ANKS1B: variants seen among roughly 807,000 people sequenced by gnomAD.
The protein encoded by ANKS1B is ankyrin repeat and sterile alpha motif domain-containing protein 1B.
ANKS1B carries 36 observed loss-of-function variants against 148.3 expected under a neutral mutation model. The ratio of observed to expected loss-of-function variants is 0.24; its 90% CI spans 0.19 to 0.32. ANKS1B has a LOEUF of 0.32. Among genes scored for constraint, ANKS1B ranks in the 10% least tolerant of loss-of-function variants. The pLI is 1.00. For missense variants in ANKS1B, 1,157 were observed against 1,542.6 expected (o/e 0.75, Z 4.19); for synonymous variants, 542 against 560.8 (o/e 0.97, Z 0.47).
intron 17 of ANKS1B, among the ~76,000 whole-genome samples, chr12:98,988,720 A>C (rs1053028026): frequency 5.3e-5 from 8 of 152,114 alleles, no homozygotes; most frequent in African/African-American, 1.7e-4. Context: ...TCTCTCCAAC[A>C]GTGTACAGGG....
At chr12:99,125,431 G>A (rs2064048537) in intron 15 of ANKS1B, among the ~76,000 whole-genome samples, 1 of 152,052 alleles carries the variant, frequency 6.6e-6, no homozygotes, top group Admixed American at 6.6e-5. Context: ...ATGTACCCAG[G>A]GCTCTTTTCT....
At chr12:99,981,409 C>T (rs1012912662) in intron 1 of ANKS1B, among the ~76,000 whole-genome samples, 9 of 152,008 alleles carry the variant, frequency 5.9e-5, no homozygotes, top group African/African-American at 1.9e-4. Flanking sequence ...AACAAGTAAT[C>T]AGAAGCATCT....
chr12:99,739,253 G>T (rs1458759197), intron 8 of ANKS1B, among the ~76,000 whole-genome samples: 2 of 143,588 alleles, frequency 1.4e-5, no homozygotes, highest in South Asian at 4.4e-4. Flanking sequence ...GTATCTTGGG[G>T]CTTCAAAAGA....
At chr12:99,700,372 A>G (rs2054609845) in intron 8 of ANKS1B, among the ~76,000 whole-genome samples, 2 of 152,138 alleles carry the variant, frequency 1.3e-5, no homozygotes, top group African/African-American at 4.8e-5. Flanking sequence ...ATAGTACCCA[A>G]TCCAACTGCC....
At chr12:99,230,724 T>C (rs1388851827) in intron 14 of ANKS1B, among the ~76,000 whole-genome samples, 4 of 152,174 alleles carry the variant, frequency 2.6e-5, no homozygotes, top group Non-Finnish European at 4.4e-5. Context: ...AATCGTTTGA[T>C]TAAACAAGAT....
chr12:98,992,629 C>T (rs1042381345), intron 17 of ANKS1B, among the ~76,000 whole-genome samples: 15 of 152,160 alleles, frequency 9.9e-5, no homozygotes, highest in African/African-American at 2.9e-4. Context: ...GTCAATTAAA[C>T]GTCTTTCCTT....
intron 1 of ANKS1B, among the ~76,000 whole-genome samples, chr12:99,895,799 G>A (rs762263338): frequency 3.3e-5 from 5 of 151,070 alleles, no homozygotes; most frequent in East Asian, 1.9e-4. Flanking sequence ...GGAGTCCTTC[G>A]GTTCTGGAAA....
intron 1 of ANKS1B, among the ~76,000 whole-genome samples, chr12:99,948,709 T>C (rs1211391088): frequency 6.6e-6 from 1 of 152,120 alleles, no homozygotes; most frequent in Admixed American, 6.5e-5. Context: ...TCCTTTGCAA[T>C]GTAGGAGAAA....
intron 11 of ANKS1B, among the ~76,000 whole-genome samples, chr12:99,404,699 T>C (rs969138516): frequency 2.1e-5 from 3 of 145,294 alleles, no homozygotes; most frequent in African/African-American, 7.8e-5. Context: ...ATTGGCCTTA[T>C]AGAGGAGGGA....
chr12:98,950,909 T>G, intron 17 of ANKS1B, among the ~76,000 whole-genome samples: 1 of 152,180 alleles, frequency 6.6e-6, no homozygotes, highest in East Asian at 1.9e-4. Flanking sequence ...TGAGCCACTG[T>G]GTCAGGCTCT....
At chr12:99,089,386 AGAAT>A (rs1211835414) in intron 15 of ANKS1B, among the ~76,000 whole-genome samples, 3 of 152,194 alleles carry the variant, frequency 2.0e-5, no homozygotes, top group Non-Finnish European at 4.4e-5. Context: ...TCAAATGTTA[AGAAT>A]GACCCCTCAA....
chr12:99,044,130 CTACTAGAATA>C (rs2099960789), intron 17 of ANKS1B, among the ~76,000 whole-genome samples: 2 of 152,116 alleles, frequency 1.3e-5, no homozygotes, highest in Admixed American at 1.3e-4. Context: ...ATATAATAAT[CTACTAGAATA>C]TTTCCCCTCT....
At chr12:99,013,204 T>C (rs1479369404) in intron 17 of ANKS1B, among the ~76,000 whole-genome samples, 1 of 152,174 alleles carries the variant, frequency 6.6e-6, no homozygotes, top group African/African-American at 2.4e-5. Flanking sequence ...TTAGAGGATT[T>C]TGGCAACAAA....
chr12:98,916,161 T>C (rs888426202), intron 17 of ANKS1B, among the ~76,000 whole-genome samples: 1 of 152,230 alleles, frequency 6.6e-6, no homozygotes, highest in Non-Finnish European at 1.5e-5. Flanking sequence ...ATAAAAGTTA[T>C]AGTCATAATA....
intron 17 of ANKS1B, among the ~76,000 whole-genome samples, chr12:98,960,795 T>C (rs1202433357): frequency 6.6e-6 from 1 of 152,138 alleles, no homozygotes. Context: ...ATCAGATACA[T>C]TTAACAAAGA....
At chr12:98,981,215 G>A (rs1026561640) in intron 17 of ANKS1B, among the ~76,000 whole-genome samples, 3 of 151,976 alleles carry the variant, frequency 2.0e-5, no homozygotes, top group Admixed American at 6.6e-5. Flanking sequence ...CCATCTCACC[G>A]CAGCCTCGAA....
At chr12:99,128,059 A>G (rs944888159) in intron 15 of ANKS1B, among the ~76,000 whole-genome samples, 2 of 152,130 alleles carry the variant, frequency 1.3e-5, no homozygotes, top group African/African-American at 4.8e-5. Context: ...CTTTGAATCA[A>G]TTTCTTCTTT....
chr12:99,928,626 T>C (rs1401875327), intron 1 of ANKS1B, among the ~76,000 whole-genome samples: 1 of 152,232 alleles, frequency 6.6e-6, no homozygotes, highest in Non-Finnish European at 1.5e-5. Context: ...GTTTTAATAG[T>C]TGTTTTCTCT....
chr12:99,452,845 C>A (rs1387015246), intron 10 of ANKS1B, among the ~76,000 whole-genome samples: 1 of 152,160 alleles, frequency 6.6e-6, no homozygotes, highest in Non-Finnish European at 1.5e-5. Context: ...GTTAAATATT[C>A]AAGTCTTAAT....
Sources: gnomAD v4.1 joint callset for allele counts (sites outside exome capture counted in the v4.1 genomes callset) on GRCh38, gnomAD v4.1.1 for gene constraint, MANE v1.5 for transcripts, NCBI Gene and HGNC (gene_info 2026-07-23, HGNC 2026-07-21) for gene names.